RTN3: variants seen among roughly 807,000 people sequenced by gnomAD.
RTN3 encodes reticulon 3.
A neutral mutation model predicts 77.8 loss-of-function variants in RTN3; 49 were observed. The observed-to-expected ratio is 0.63, with a 90% CI of 0.50 to 0.80. The LOEUF is 0.80. RTN3 is among the 30% of genes least tolerant of loss of function. The pLI, the probability that RTN3 is intolerant of heterozygous loss-of-function variation, is 0.00. For missense variants in RTN3, 1,236 were observed against 1,211.9 expected, an observed-to-expected ratio of 1.02 and a Z score of -0.29; for synonymous variants, 464 against 446.9, an observed-to-expected ratio of 1.04 and a Z score of -0.48.
intron 7 of RTN3, among the ~76,000 whole-genome samples, chr11:63,755,246 C>T (rs2014313332): frequency 6.6e-6 from 1 of 152,132 alleles, no homozygotes; most frequent in African/African-American, 2.4e-5. Flanking sequence ...AAAGAAAATA[C>T]TTACCAAGTA....
At chr11:63,728,976 C>G (rs1016821389) in intron 3 of RTN3, among the ~76,000 whole-genome samples, 1 of 151,188 alleles carries the variant, frequency 6.6e-6, no homozygotes, top group Non-Finnish European at 1.5e-5. Context: ...TTACTTCTTA[C>G]TAGAAACCAC....
chr11:63,687,387 C>T (rs1247986222), intron 1 of RTN3, among the ~76,000 whole-genome samples: 5 of 152,088 alleles, frequency 3.3e-5, no homozygotes, highest in African/African-American at 7.2e-5. Context: ...GAGGCCAAGG[C>T]GGGTGGATCA....
intron 1 of RTN3, among the ~76,000 whole-genome samples, chr11:63,690,821 C>A (rs1941615511): frequency 6.6e-6 from 1 of 152,154 alleles, no homozygotes; most frequent in African/African-American, 2.4e-5. Flanking sequence ...ATTATTCTCT[C>A]CTTGAAATGC....
intron 3 of RTN3, among the ~76,000 whole-genome samples, chr11:63,733,284 TC>T (rs2012823709): frequency 6.6e-6 from 1 of 151,884 alleles, no homozygotes; most frequent in Non-Finnish European, 1.5e-5. Flanking sequence ...GGTCAGGAGA[TC>T]GAGACCATCC....
At chr11:63,746,954 T>C (rs1565341850) in intron 3 of RTN3, 1 of 456,102 alleles carries the variant, frequency 2.2e-6, no homozygotes, top group Non-Finnish European at 4.4e-6. Context: ...CAGAGTCCAG[T>C]CTAGGATCAC....
intron 3 of RTN3, among the ~76,000 whole-genome samples, chr11:63,728,886 CAA>C (rs577443067): frequency 2.4e-4 from 19 of 78,652 alleles, no homozygotes; most frequent in Admixed American, 4.7e-4. Context: ...GACTCCGTCT[CAA>C]AAAAAAAAAA....
rs140354107 is a variant in RTN3 at position 63,753,042 on chromosome 11, G to T, written c.2878-27G>T. On this transcript the variant is annotated intron_variant, in intron 5 of 8. Coordinates refer to ENST00000377819, the MANE Select transcript of RTN3 (RefSeq NM_001265589.2). ...TGAATTTTGCCTTACGGTTATTCCT[G>T]CTTAACTTTTGATATGGCCTTCACA... is the stretch of plus-strand genomic sequence containing the variant. 204 of 1,609,584 alleles carry T rather than the reference G, an allele frequency of 1.3e-4. No homozygotes were observed. The African/African-American group carries it at 2.4e-3, about 19-fold the overall frequency.
chr11:63,702,221 ATTC>A (rs778545633), intron 1 of RTN3, among the ~76,000 whole-genome samples: 2 of 151,516 alleles, frequency 1.3e-5, no homozygotes, highest in African/African-American at 4.8e-5. Flanking sequence ...TGGCTTTTTT[ATTC>A]TTTTTTCATC....
chr11:63,681,524 G>A lies in RTN3; in HGVS notation c.-113G>A. ...CAGTCTGTCGGAGTCTGTCCTCGGA[G>A]CAGGCGGAGTAAAGGGACTTGAGCG... is the stretch of plus-strand genomic sequence containing the variant. On this transcript the variant is annotated 5_prime_UTR_variant, in exon 1 of 9. Transcript: ENST00000377819. The A allele has an allele frequency of 8.8e-7, 1 of 1,138,044 alleles. No homozygotes were observed. Among genetic ancestry groups the A allele is most frequent in the Admixed American group, 2.7e-5 (1 of 37,182 alleles). The allele number at this position is 1,138,044 out of a possible 1,614,324, so 70.5% of individuals were successfully genotyped here. A position where few individuals can be genotyped will look rare whatever the true frequency, so the allele number is the denominator to read the frequency against.
At chr11:63,744,173 C>T (rs1218365876) in intron 3 of RTN3, among the ~76,000 whole-genome samples, 1 of 120,494 alleles carries the variant, frequency 8.3e-6, no homozygotes, top group Non-Finnish European at 1.6e-5. Context: ...ACCTGGGAGG[C>T]AGAGATTGCA....
intron 1 of RTN3, among the ~76,000 whole-genome samples, chr11:63,683,052 T>G (rs747044255): frequency 4.3e-4 from 66 of 152,170 alleles, no homozygotes; most frequent in Admixed American, 2.2e-3. Context: ...AAGAAAAAAT[T>G]TCTGATCTTA....
At chr11:63,683,138 G>C (rs1317944002) in intron 1 of RTN3, among the ~76,000 whole-genome samples, 1 of 152,106 alleles carries the variant, frequency 6.6e-6, no homozygotes, top group South Asian at 2.1e-4. Context: ...GAGCCCTGTT[G>C]GATTTTTTCA....
rs776346757 is a variant in RTN3, at chr11:63,719,225, G to A, written c.723G>A (p.Lys241=). The change falls in exon 3 of 9, where the codon AAG becomes AAA. Residue 241 remains lysine, a synonymous_variant. Transcript: ENST00000377819. Reference sequence around the variant, plus strand: ...TTTCAGGAGATGATGTTATTGAAAAGGATTCCCCTGAATCACCATTTGAAG... The same window carrying A: ...TTTCAGGAGATGATGTTATTGAAAAAGATTCCCCTGAATCACCATTTGAAG... ...SKVSGDDVIE[K]DSPESPFEVI... is the part of the protein sequence containing the mutation. 3 of 1,613,974 alleles carry A rather than the reference G, an allele frequency of 1.9e-6. No homozygotes were observed. The highest frequency in any genetic ancestry group is 1.7e-6 in the Non-Finnish European group (2 of 1,180,018).
chr11:63,720,037 C>G lies in RTN3; in HGVS notation c.1535C>G (p.Thr512Arg). The change falls in exon 3 of 9, where the codon ACA becomes AGA. Residue 512 changes from threonine (T) to arginine (R), a missense_variant. Thr to Arg is a moderately conservative substitution (Grantham distance 71, BLOSUM62 -1). Transcript: ENST00000377819. ...DTVIEDITAD[T>R]SFENNKIQAE... Reference sequence around the variant, plus strand: ...GTAATAGAGGACATCACAGCAGATACATCATTTGAAAATAACAAAATTCAG... The same window carrying G: ...GTAATAGAGGACATCACAGCAGATAGATCATTTGAAAATAACAAAATTCAG... The G allele has an allele frequency of 6.2e-7, 1 of 1,614,112 alleles. No homozygotes were observed. Among genetic ancestry groups the G allele is most frequent in the Non-Finnish European group, 8.5e-7 (1 of 1,180,012 alleles).
intron 3 of RTN3, among the ~76,000 whole-genome samples, chr11:63,727,100 A>G (rs1231697860): frequency 2.0e-5 from 3 of 152,172 alleles, no homozygotes; most frequent in African/African-American, 7.2e-5. Context: ...TCAGGGGTGC[A>G]GATCGCACCA....
chr11:63,681,574 T>G lies in RTN3; in HGVS notation c.-63T>G, dbSNP rs1306975094. Reference sequence around the variant, plus strand: ...GAGCCAGTTGCCGGATTATTCTATTTCCCCTCCCTCTCTCCCGCCCCGTAT... The same window carrying G: ...GAGCCAGTTGCCGGATTATTCTATTGCCCCTCCCTCTCTCCCGCCCCGTAT... On this transcript the variant is annotated 5_prime_UTR_variant, in exon 1 of 9. Transcript: ENST00000377819. 1 of 1,483,954 alleles carries G rather than the reference T, an allele frequency of 6.7e-7. No individual in the cohort carries two copies. The highest frequency in any genetic ancestry group is 2.3e-5 in the Admixed American group (1 of 43,352). The allele number at this position is 1,483,954 out of a possible 1,614,324, so 91.9% of individuals were successfully genotyped here.
chr11:63,750,449 TA>T, intron 4 of RTN3: 1 of 441,902 alleles, frequency 2.3e-6, no homozygotes, highest in Non-Finnish European at 4.0e-6. Context: ...AAGAAGACTC[TA>T]AATTCTTTTT....
chr11:63,719,237 A>G lies in RTN3; in HGVS notation c.735A>G (p.Glu245=), dbSNP rs775045799. The G allele has an allele frequency of 6.2e-7, 1 of 1,614,206 alleles. No homozygotes were observed. The highest frequency in any genetic ancestry group is 8.5e-7 in the Non-Finnish European group (1 of 1,180,042). The change falls in exon 3 of 9, where the codon GAA becomes GAG. Residue 245 remains glutamate, a synonymous_variant. Coordinates refer to ENST00000377819, the MANE Select transcript of RTN3 (RefSeq NM_001265589.2). ...GDDVIEKDSP[E]SPFEVIIDKA... is the part of the protein sequence containing the mutation. The stretch of plus-strand genomic sequence containing the variant: ...ATGTTATTGAAAAGGATTCCCCTGA[A>G]TCACCATTTGAAGTAATTATTGACA...
At chr11:63,756,222 A>G (rs1458616506) in intron 8 of RTN3, 52 bp downstream of exon 8, 22 of 1,249,686 alleles carry the variant, frequency 1.8e-5, no homozygotes, top group Middle Eastern at 3.7e-4. Context: ...CTTCCCCCCA[A>G]TTATCTTTAG....
Sources: gnomAD v4.1 joint callset for allele counts (sites outside exome capture counted in the v4.1 genomes callset) on GRCh38, gnomAD v4.1.1 for gene constraint, MANE v1.5 for transcripts, NCBI Gene and HGNC (gene_info 2026-07-23, HGNC 2026-07-21) for gene names.